WDR44: variants seen among roughly 807,000 people sequenced by gnomAD.
WDR44 encodes WD repeat-containing protein 44.
Under a neutral mutation model 65.7 loss-of-function variants are expected in WDR44, and 9 were observed. The ratio of observed to expected loss-of-function variants is 0.14; its 90% CI spans 0.08 to 0.24. WDR44 has a LOEUF of 0.24. WDR44 is among the 10% of genes least tolerant of loss of function. WDR44 has a pLI of 1.00. For synonymous variants in WDR44, 220 were observed against 235.2 expected (o/e 0.94, Z 0.59); for missense variants, 425 against 670.9 (o/e 0.63, Z 4.05).
Position 118,370,407 on chromosome X carries a change from C to T in WDR44, c.78-8012C>T, listed in dbSNP as rs1323691469. ...GATGAATGACTTCTTGGCCTGAGTT[C>T]ACGCAAGATCTGGTTGTTTAAAAGT... On this transcript the variant is annotated intron_variant, in intron 1 of 19. Transcript: ENST00000254029. Among the ~76,000 whole-genome samples the T allele has an allele frequency of 2.7e-5, 3 of 109,878 alleles. No homozygotes were observed. The Admixed American group carries it at 2.9e-4, about 11-fold the overall frequency.
At chrX:118,431,381 G>A (rs1285285823) in intron 12 of WDR44, among the ~76,000 whole-genome samples, 4 of 111,496 alleles carry the variant, frequency 3.6e-5, no homozygotes, top group African/African-American at 1.3e-4. Context: ...TCAGCTCACC[G>A]CAACCTCCAC....
In WDR44 at chrX:118,410,941, A is replaced by G. The variant is rs1201951743; in HGVS notation, c.1719A>G (p.Lys573=). Residue 573 remains lysine, a synonymous_variant, in exon 12 of 20, where the codon AAA becomes AAG. Transcript: ENST00000254029. ...SPSQESLSSS[K]SDTDTGVCSG... Reference sequence around the variant, plus strand: ...CTCAGGAAAGTCTAAGTTCATCAAAATCGGATACAGATACAGGGGTATGCT... The same window carrying G: ...CTCAGGAAAGTCTAAGTTCATCAAAGTCGGATACAGATACAGGGGTATGCT... 5 of 1,198,699 alleles carry G rather than the reference A, an allele frequency of 4.2e-6. No individual in the cohort carries two copies. The highest frequency in any genetic ancestry group is 5.6e-6 in the Non-Finnish European group (5 of 889,745).
In WDR44 at chrX:118,443,702, G is replaced by A. The variant is rs2057321186; in HGVS notation, c.2512+15G>A. 1.7e-6 allele frequency: 2 copies of A among 1,185,705 alleles called. No individual in the cohort carries two copies. The highest frequency in any genetic ancestry group is 3.8e-5 in the South Asian group (2 of 52,811). ...AGGTATTAAAGGTAAGTACATACTT[G>A]CTTTTGTGTGTCTTATAAGAGAATC... On this transcript the variant is annotated intron_variant, in intron 18 of 19. Coordinates refer to ENST00000254029, the MANE Select transcript of WDR44 (RefSeq NM_019045.5).
chrX:118,375,515 CAAA>C (rs3048529), intron 1 of WDR44, among the ~76,000 whole-genome samples: 12,133 of 61,938 alleles, frequency 0.2, 874 homozygotes, highest in African/African-American at 0.34. Context: ...GACCCCATCT[CAAA>C]AAAAAAAAAA....
rs766200407 is a variant in WDR44, at chrX:118,409,290, C to T, written c.1534-199C>T. On this transcript the variant is annotated intron_variant, in intron 10 of 19. Transcript: ENST00000254029. ...GATTACAGGCGCCCGCCACCATGCC[C>T]AGCTAATTTTTGTATTTTTAGCAGA... Among the ~76,000 whole-genome samples the T allele has an allele frequency of 1.8e-3, 193 of 110,084 alleles. 1 individual carries two copies. The highest frequency in any genetic ancestry group is 2.7e-3 in the Non-Finnish European group (144 of 52,771).
At chrX:118,388,148 G>A (rs190824895) in intron 3 of WDR44, among the ~76,000 whole-genome samples, 1 of 111,832 alleles carries the variant, frequency 8.9e-6, no homozygotes, top group East Asian at 2.8e-4. Context: ...CTTACTAAAT[G>A]CCAATAGCAT....
intron 18 of WDR44, 95 bp downstream of exon 18, chrX:118,443,782 C>T (rs2057322413): frequency 2.7e-5 from 25 of 932,340 alleles, no homozygotes; most frequent in South Asian, 9.1e-5. Flanking sequence ...CAGTGGCTCA[C>T]GCCTGTAATC....
Position 118,369,286 on chromosome X carries a change from C to T in WDR44, c.78-9133C>T, listed in dbSNP as rs184612347. 9.8e-3 allele frequency among the ~76,000 whole-genome samples: 823 copies of T among 84,180 alleles called. 27 individuals carry two copies. The East Asian group carries it at 0.11, about 11-fold the overall frequency. 73.1% of individuals were successfully genotyped at this position (84,180 alleles called of 115,157 possible). A position where few individuals can be genotyped will look rare whatever the true frequency, so the allele number is the denominator to read the frequency against. ...TCCCGGGTTCACGCCATTCTCCTGC[C>T]TCAGCCTCCCGACTAGCTGGGACTA... On this transcript the variant is annotated intron_variant, in intron 1 of 19. Transcript: ENST00000254029.
At chrX:118,426,917 C>T (rs2147738260) in intron 12 of WDR44, among the ~76,000 whole-genome samples, 1 of 110,871 alleles carries the variant, frequency 9.0e-6, no homozygotes, top group East Asian at 2.8e-4. Context: ...TTTGAACAAC[C>T]TAAATTTCTA....
intron 14 of WDR44, among the ~76,000 whole-genome samples, chrX:118,439,022 G>A (rs1459360243): frequency 9.3e-6 from 1 of 107,609 alleles, no homozygotes; most frequent in African/African-American, 3.4e-5. Flanking sequence ...TTGACCTCAA[G>A]TGATCCGCCT....
At chrX:118,448,212 AT>A (rs1479045739) in intron 19 of WDR44, among the ~76,000 whole-genome samples, 1 of 110,726 alleles carries the variant, frequency 9.0e-6, no homozygotes. Context: ...TAAAGTTTGG[AT>A]TATTTTCTTC....
intron 2 of WDR44, among the ~76,000 whole-genome samples, chrX:118,380,272 G>A (rs746258262): frequency 1.8e-5 from 2 of 110,913 alleles, no homozygotes; most frequent in South Asian, 3.8e-4. Flanking sequence ...CAATGCGAGT[G>A]TATAGTTCTG....
intron 3 of WDR44, 76 bp from the exon 4 acceptor site, chrX:118,392,556 T>C (rs1054856494): frequency 2.4e-6 from 2 of 849,605 alleles, no homozygotes; most frequent in African/African-American, 4.1e-5. Context: ...TACTAAGTAC[T>C]ATGTAAATGA....
At chrX:118,383,091 A>C (rs1055474378) in intron 2 of WDR44, among the ~76,000 whole-genome samples, 4 of 111,834 alleles carry the variant, frequency 3.6e-5, no homozygotes, top group Non-Finnish European at 7.5e-5. Flanking sequence ...TTTATTAAGA[A>C]GTCTTCTCTG....
chrX:118,403,207 C>T (rs921213348), intron 8 of WDR44, among the ~76,000 whole-genome samples: 3 of 111,817 alleles, frequency 2.7e-5, no homozygotes, highest in African/African-American at 9.7e-5. Flanking sequence ...TATTTTTGGA[C>T]CATGGTTGAC....
At chrX:118,417,152 G>A (rs970815148) in intron 12 of WDR44, among the ~76,000 whole-genome samples, 1 of 111,815 alleles carries the variant, frequency 8.9e-6, no homozygotes, top group Non-Finnish European at 1.9e-5. Context: ...TTTAACTGGA[G>A]CATTTAGGCC....
chrX:118,433,886 C>G (rs1202888532), intron 13 of WDR44, among the ~76,000 whole-genome samples: 1 of 111,867 alleles, frequency 8.9e-6, no homozygotes, highest in African/African-American at 3.2e-5. Flanking sequence ...TACATGTGCT[C>G]TGTTCGTACC....
intron 14 of WDR44, among the ~76,000 whole-genome samples, chrX:118,438,515 C>G (rs766172055): frequency 9.0e-5 from 10 of 111,227 alleles, no homozygotes; most frequent in Non-Finnish European, 1.7e-4. Context: ...TTACTGCAGC[C>G]TCAACTTCCC....
intron 1 of WDR44, among the ~76,000 whole-genome samples, chrX:118,359,079 CA>C (rs34518844): frequency 0.44 from 46,829 of 107,122 alleles, 10,757 homozygotes; most frequent in African/African-American, 0.86. Context: ...ATCTCAAAAC[CA>C]AAAAAAAAAT....
Sources: allele counts gnomAD v4.1 joint callset (sites outside exome capture counted in the v4.1 genomes callset), GRCh38; gene constraint gnomAD v4.1.1; transcripts MANE v1.5; gene names NCBI Gene and HGNC (gene_info 2026-07-23, HGNC 2026-07-21).